PDE4D: variants seen among roughly 807,000 people sequenced by gnomAD.
The protein encoded by PDE4D is phosphodiesterase 4D.
Under a neutral mutation model 87.4 loss-of-function variants are expected in PDE4D, and 24 were observed. The observed-to-expected ratio is 0.27, with a 90% CI of 0.20 to 0.39. The LOEUF (loss-of-function observed/expected upper bound fraction) is 0.39, where lower values mean the gene tolerates loss of function less well. Among genes scored for constraint, PDE4D ranks in the 10% least tolerant of loss-of-function variants. The probability of loss-of-function intolerance (pLI) is 1.00; values close to 1 mark genes in which losing one functional copy is unlikely to be tolerated. For synonymous variants in PDE4D, 384 were observed against 383.2 expected (o/e 1.00, Z -0.02); for missense variants, 714 against 1,041.0 (o/e 0.69, Z 4.32).
chr5:60,108,086 A>G (rs896249753), intron 2 of PDE4D, among the ~76,000 whole-genome samples: 14 of 151,968 alleles, frequency 9.2e-5, no homozygotes, highest in Non-Finnish European at 1.6e-4. Flanking sequence ...TTTGCAGACG[A>G]CATGATTGTA....
At chr5:59,257,440 G>A (rs370201574) in intron 1 of PDE4D, among the ~76,000 whole-genome samples, 10 of 152,140 alleles carry the variant, frequency 6.6e-5, no homozygotes, top group African/African-American at 2.4e-4. Context: ...GCTTACATCT[G>A]TCTTTTGCAT....
At chr5:59,090,756 T>G (rs765764494) in intron 5 of PDE4D, among the ~76,000 whole-genome samples, 43 of 151,652 alleles carry the variant, frequency 2.8e-4, no homozygotes, top group Non-Finnish European at 5.6e-4. Context: ...GACGGGACCT[T>G]CGTTGAGTGC....
At chr5:59,823,577 C>T (rs1239895329) in intron 1 of PDE4D, among the ~76,000 whole-genome samples, 1 of 152,098 alleles carries the variant, frequency 6.6e-6, no homozygotes, top group Non-Finnish European at 1.5e-5. Context: ...AGTCTTTACA[C>T]ATTTTTCTGC....
At chr5:59,013,985 C>T (rs1421336641) in intron 6 of PDE4D, among the ~76,000 whole-genome samples, 2 of 152,136 alleles carry the variant, frequency 1.3e-5, no homozygotes, top group Non-Finnish European at 2.9e-5. Flanking sequence ...TGCAAGGCTG[C>T]TTCAACATAT....
chr5:59,880,284 A>AT (rs987038670), intron 1 of PDE4D, among the ~76,000 whole-genome samples: 50 of 151,936 alleles, frequency 3.3e-4, no homozygotes, highest in Admixed American at 1.2e-3. Context: ...TAATTATTGT[A>AT]TTTTTTGTAG....
At chr5:59,205,653 A>AACACACACAC (rs35509503) in intron 2 of PDE4D, among the ~76,000 whole-genome samples, 2,286 of 136,362 alleles carry the variant, frequency 0.017, 48 homozygotes, top group Middle Eastern at 0.026. Flanking sequence ...CCACTAGCTA[A>AACACACACAC]ACACACACAC....
At chr5:59,920,422 C>T (rs1754537007) in intron 3 of PDE4D, among the ~76,000 whole-genome samples, 2 of 152,156 alleles carry the variant, frequency 1.3e-5, no homozygotes, top group East Asian at 3.8e-4. Context: ...TACAATTCTC[C>T]TTTAATGTAA....
chr5:59,469,350 C>CAAAA (rs1335317681), intron 1 of PDE4D, among the ~76,000 whole-genome samples: 3 of 151,738 alleles, frequency 2.0e-5, no homozygotes, highest in Admixed American at 6.6e-5. Flanking sequence ...AACAAACAAA[C>CAAAA]AAAAAACAAA....
chr5:60,128,096 A>G (rs1779265269), intron 2 of PDE4D, among the ~76,000 whole-genome samples: 1 of 152,206 alleles, frequency 6.6e-6, no homozygotes, highest in African/African-American at 2.4e-5. Flanking sequence ...CTTCTTACCT[A>G]GAAGTTGGAA....
chr5:59,819,358 GT>G (rs1769372063), intron 1 of PDE4D, among the ~76,000 whole-genome samples: 1 of 152,136 alleles, frequency 6.6e-6, no homozygotes, highest in Admixed American at 6.5e-5. Flanking sequence ...CTTCTTGCAT[GT>G]TTTCTTCAAA....
chr5:60,503,426 C>G (rs1460958103), intron 1 of PDE4D, among the ~76,000 whole-genome samples: 1 of 152,098 alleles, frequency 6.6e-6, no homozygotes, highest in Non-Finnish European at 1.5e-5. Flanking sequence ...CCCTCAATTT[C>G]TTTATTCTTG....
intron 2 of PDE4D, among the ~76,000 whole-genome samples, chr5:60,007,298 G>C (rs1221689848): frequency 6.6e-6 from 1 of 151,922 alleles, no homozygotes; most frequent in Non-Finnish European, 1.5e-5. Flanking sequence ...AAACCTCAAG[G>C]CAACGTGTGT....
chr5:60,088,285 T>A (rs1774748256), intron 2 of PDE4D, among the ~76,000 whole-genome samples: 2 of 150,174 alleles, frequency 1.3e-5, no homozygotes, highest in African/African-American at 4.9e-5. Context: ...AAAAAATGGA[T>A]GCTAATGTGT....
chr5:59,696,393 C>T (rs973697706), intron 1 of PDE4D, among the ~76,000 whole-genome samples: 6 of 152,056 alleles, frequency 3.9e-5, no homozygotes, highest in African/African-American at 1.5e-4. Flanking sequence ...CATCCTGGCC[C>T]ACATGGAGCT....
Position 60,001,714 on chromosome 5 carries a change from A to G in PDE4D, c.43-12997T>C, listed in dbSNP as rs772501175. Among the ~76,000 whole-genome samples the G allele has an allele frequency of 3.7e-4, 56 of 152,288 alleles. No individual in the cohort carries two copies. In the South Asian group the frequency reaches 6.6e-3, roughly 18 times the overall value. On this transcript the variant is annotated intron_variant, in intron 2 of 16. Transcript: ENST00000502484. ...ACAGTAATTTGTTAATGGATATGCAATACAAAAAGATGCAAAGCATGACAT... is the reference window on the plus strand; with the variant it reads ...ACAGTAATTTGTTAATGGATATGCAGTACAAAAAGATGCAAAGCATGACAT...
intron 1 of PDE4D, among the ~76,000 whole-genome samples, chr5:59,861,368 G>T (rs924108370): frequency 6.6e-6 from 1 of 152,146 alleles, no homozygotes; most frequent in Non-Finnish European, 1.5e-5. Context: ...CTCAGCTGGA[G>T]GAGTTTCCAA....
intron 5 of PDE4D, among the ~76,000 whole-genome samples, chr5:59,062,277 T>C (rs921330818): frequency 1.3e-5 from 2 of 152,124 alleles, no homozygotes; most frequent in African/African-American, 2.4e-5. Context: ...CTCATCTATT[T>C]TCTCTAAAAC....
intron 1 of PDE4D, among the ~76,000 whole-genome samples, chr5:60,414,444 T>C (rs1005519055): frequency 2.6e-5 from 4 of 152,140 alleles, no homozygotes; most frequent in Admixed American, 6.6e-5. Context: ...AAAAATAAAA[T>C]CAAATTAAAA....
intron 1 of PDE4D, among the ~76,000 whole-genome samples, chr5:59,276,709 T>A (rs77354649): frequency 0.068 from 10,296 of 151,762 alleles, 741 homozygotes; most frequent in African/African-American, 0.19. Flanking sequence ...TATTTTTTTT[T>A]AAAAAAAATG....
Sources: allele counts gnomAD v4.1 joint callset (sites outside exome capture counted in the v4.1 genomes callset), GRCh38; gene constraint gnomAD v4.1.1; transcripts MANE v1.5; gene names NCBI Gene and HGNC (gene_info 2026-07-23, HGNC 2026-07-21).